RAB33A: variants seen among roughly 807,000 people sequenced by gnomAD.
The protein encoded by RAB33A is RAB33A, member RAS oncogene family, also known as ras-related protein Rab-33A.
A neutral mutation model predicts 12.0 loss-of-function variants in RAB33A; 6 were observed. The observed-to-expected ratio is 0.50, with a 90% confidence interval of 0.27 to 0.99. RAB33A has a LOEUF of 0.99. RAB33A is among the 50% of genes least tolerant of loss of function. The pLI, the probability that RAB33A is intolerant of heterozygous loss-of-function variation, is 0.11. For missense variants in RAB33A, 109 were observed against 192.0 expected (o/e 0.57, Z 2.55); for synonymous variants, 70 against 82.4 (o/e 0.85, Z 0.81).
the RAB33A span, among the ~76,000 whole-genome samples, chrX:130,166,160 G>C: frequency 8.9e-6 from 1 of 111,791 alleles, no homozygotes; most frequent in Admixed American, 9.5e-5. Flanking sequence ...TAGGACACCA[G>C]TTACTTGATA....
chrX:130,172,182 C>T lies in RAB33A; in HGVS notation c.120C>T (p.Ile40=). The T allele has an allele frequency of 1.6e-6, 2 of 1,212,254 alleles. No individual in the cohort carries two copies. Among genetic ancestry groups the T allele is most frequent in the Non-Finnish European group, 2.2e-6 (2 of 895,578 alleles). ...QYVQIRIFKI[I]VIGDSNVGKT... ...TGCAGATTCGCATCTTCAAAATAAT[C>T]GTGATTGGGGACTCCAACGTGGGCA... The change falls in exon 1 of 2, where the codon ATC becomes ATT. Residue 40 remains isoleucine, a synonymous_variant. Transcript: ENST00000257017.
chrX:130,160,435 G>A, the RAB33A span, among the ~76,000 whole-genome samples: 2 of 112,056 alleles, frequency 1.8e-5, no homozygotes, highest in East Asian at 2.8e-4. Context: ...CTCACACTTA[G>A]GATTTCATTC....
chrX:130,161,447 G>A, the RAB33A span, among the ~76,000 whole-genome samples: 7 of 102,220 alleles, frequency 6.8e-5, no homozygotes, highest in Admixed American at 7.5e-4. Context: ...GGAGACAGAG[G>A]TTGCAGTGAG....
At chrX:130,182,766 A>G (rs950610172) in intron 1 of RAB33A, among the ~76,000 whole-genome samples, 3 of 111,388 alleles carry the variant, frequency 2.7e-5, no homozygotes, top group Non-Finnish European at 5.7e-5. Flanking sequence ...AAAAAAAAAT[A>G]AAAGAAAAGA....
the RAB33A span, among the ~76,000 whole-genome samples, chrX:130,139,566 T>C: frequency 2.7e-5 from 3 of 111,206 alleles, no homozygotes; most frequent in East Asian, 5.6e-4. Context: ...GAAGGATCTA[T>C]TGCAAGCAAT....
In RAB33A at chrX:130,184,779, G is replaced by GT. The variant is rs1483224827; in HGVS notation, c.*45dup. 10 of 1,139,409 alleles carry GT rather than the reference G, an allele frequency of 8.8e-6. No individual in the cohort carries two copies. Among genetic ancestry groups the GT allele is most frequent in the Non-Finnish European group, 1.1e-5 (9 of 843,447 alleles). 93.9% of individuals were successfully genotyped at this position (1,139,409 alleles called of 1,213,427 possible). A position where few individuals can be genotyped will look rare whatever the true frequency, so the allele number is the denominator to read the frequency against. ...AAATACAAGATAAATTATCACTGGA[G>GT]TTTTTTCTTTCCCTTTTTTCTGTGC... On this transcript the variant is annotated 3_prime_UTR_variant, in exon 2 of 2. Transcript: ENST00000257017.
chrX:130,112,759 G>A, the RAB33A span, among the ~76,000 whole-genome samples: 1 of 110,900 alleles, frequency 9.0e-6, no homozygotes, highest in Non-Finnish European at 1.9e-5. Context: ...CCAGCTACTC[G>A]GGAGGCTGAG....
chrX:130,155,122 T>C, the RAB33A span: 1 of 1,207,100 alleles, frequency 8.3e-7, no homozygotes, highest in Non-Finnish European at 1.1e-6. Context: ...TCACCCACCC[T>C]ACCCCAAAAT....
chrX:130,120,911 T>G, the RAB33A span, among the ~76,000 whole-genome samples: 1 of 113,197 alleles, frequency 8.8e-6, no homozygotes, highest in Non-Finnish European at 1.9e-5. Context: ...GCGGGAACTG[T>G]CGTCCAAGGA....
At chrX:130,160,631 T>A in the RAB33A span, among the ~76,000 whole-genome samples, 1 of 112,081 alleles carries the variant, frequency 8.9e-6, no homozygotes, top group Non-Finnish European at 1.9e-5. Context: ...TTGCCCAGAC[T>A]AGACTCAAAC....
the RAB33A span, among the ~76,000 whole-genome samples, chrX:130,165,216 G>A: frequency 3.4e-5 from 3 of 89,380 alleles, no homozygotes; most frequent in East Asian, 8.1e-4. Context: ...AAATGACAAA[G>A]TCTACTTGAC....
the RAB33A span, among the ~76,000 whole-genome samples, chrX:130,140,323 C>G: frequency 8.9e-6 from 1 of 112,376 alleles, no homozygotes; most frequent in African/African-American, 3.2e-5. Context: ...CTTCTTCATG[C>G]CTCTACCGGG....
At chrX:130,122,613 T>C in the RAB33A span, among the ~76,000 whole-genome samples, 2 of 111,976 alleles carry the variant, frequency 1.8e-5, no homozygotes, top group African/African-American at 6.5e-5. Flanking sequence ...CTTGGGCTTA[T>C]ATAGCATGAG....
the RAB33A span, among the ~76,000 whole-genome samples, chrX:130,157,397 T>C: frequency 1.8e-5 from 2 of 112,130 alleles, no homozygotes; most frequent in Non-Finnish European, 3.8e-5. Context: ...AAGGTCTCAG[T>C]CTCTGATTAT....
the RAB33A span, among the ~76,000 whole-genome samples, chrX:130,153,403 G>T: frequency 3.7e-5 from 4 of 107,501 alleles, no homozygotes; most frequent in Admixed American, 2.0e-4. Flanking sequence ...TTTTTTGGAG[G>T]GTAAAGTGGG....
chrX:130,154,154 T>C, the RAB33A span, among the ~76,000 whole-genome samples: 1 of 112,447 alleles, frequency 8.9e-6, no homozygotes, highest in African/African-American at 3.2e-5. Flanking sequence ...AGCTTTATTA[T>C]TACCAGTGTT....
At chrX:130,133,357 A>G in the RAB33A span, 1 of 1,210,828 alleles carries the variant, frequency 8.3e-7, no homozygotes, top group Non-Finnish European at 1.1e-6. Flanking sequence ...CTCCAGTCAT[A>G]TTTTCTCCAG....
chrX:130,142,945 G>A, the RAB33A span, among the ~76,000 whole-genome samples: 1 of 111,996 alleles, frequency 8.9e-6, no homozygotes, highest in African/African-American at 3.2e-5. Flanking sequence ...TGCATTTTAC[G>A]GTTCTTTTCT....
At chrX:130,134,953 C>T in the RAB33A span, among the ~76,000 whole-genome samples, 3 of 111,623 alleles carry the variant, frequency 2.7e-5, no homozygotes, top group African/African-American at 6.5e-5. Context: ...ACGAATAAAA[C>T]AAACCAACAA....
Sources: gnomAD v4.1 joint callset for allele counts (sites outside exome capture counted in the v4.1 genomes callset) on GRCh38, gnomAD v4.1.1 for gene constraint, MANE v1.5 for transcripts, NCBI Gene and HGNC (gene_info 2026-07-23, HGNC 2026-07-21) for gene names.